Variants in INSC observed in about 807,000 individuals in gnomAD.
The protein encoded by INSC is INSC spindle orientation adaptor protein, also known as protein inscuteable homolog.
In INSC, 67 loss-of-function variants were observed where a neutral mutation model predicts 58.6. That is an observed-to-expected ratio of 1.14 (90% CI 0.94 to 1.40). INSC has a LOEUF of 1.40. INSC is among the 40% of genes most tolerant of loss of function. INSC has a pLI of 0.00. For synonymous variants in INSC, 262 were observed against 276.1 expected (o/e 0.95, Z 0.51); for missense variants, 714 against 692.0 (o/e 1.03, Z -0.36).
chr11:15,123,957 A>C (rs1184394925), intron 1 of INSC, among the ~76,000 whole-genome samples: 1 of 152,214 alleles, frequency 6.6e-6, no homozygotes, highest in East Asian at 1.9e-4. Context: ...GGTCTTACTA[A>C]GTCCAGTGAG....
At chr11:15,201,565 G>A (rs895936018) in intron 7 of INSC, among the ~76,000 whole-genome samples, 8 of 152,114 alleles carry the variant, frequency 5.3e-5, no homozygotes, top group African/African-American at 1.2e-4. Flanking sequence ...ACTAATTCCC[G>A]CCACCCTGAC....
intron 7 of INSC, among the ~76,000 whole-genome samples, chr11:15,210,995 T>G (rs1851004034): frequency 6.6e-6 from 1 of 151,758 alleles, no homozygotes; most frequent in African/African-American, 2.4e-5. Context: ...TGCCGGCAAG[T>G]GGTGGGTCCT....
At chr11:15,122,639 C>T (rs1419510490) in intron 1 of INSC, among the ~76,000 whole-genome samples, 1 of 152,182 alleles carries the variant, frequency 6.6e-6, no homozygotes, top group Non-Finnish European at 1.5e-5. Flanking sequence ...ACCTCTCTCC[C>T]TCAAAACCCA....
At chr11:15,209,217 G>T (rs1339948704) in intron 7 of INSC, among the ~76,000 whole-genome samples, 1 of 152,168 alleles carries the variant, frequency 6.6e-6, no homozygotes, top group East Asian at 1.9e-4. Context: ...TGGGTTTGGT[G>T]CCCAGCTCTA....
At chr11:15,158,564 G>A (rs1848897484) in intron 2 of INSC, among the ~76,000 whole-genome samples, 2 of 152,204 alleles carry the variant, frequency 1.3e-5, no homozygotes, top group East Asian at 1.9e-4. Flanking sequence ...TTCTGTGATC[G>A]TAGTCTATCC....
chr11:15,160,367 G>A (rs1167852145), intron 2 of INSC, among the ~76,000 whole-genome samples: 2 of 152,248 alleles, frequency 1.3e-5, no homozygotes. Flanking sequence ...AATAACTCAG[G>A]GCTGGGACAA....
rs1332134876 is a variant in INSC, at chr11:15,229,962, ATATATAT to A, written c.1170+4135_1170+4141del. Among the ~76,000 whole-genome samples, 240 of 28,096 alleles carry A rather than the reference ATATATAT, an allele frequency of 8.5e-3. 3 individuals are homozygous for A. The highest frequency in any genetic ancestry group is 0.038 in the Middle Eastern group (2 of 52). The allele number at this position is 28,096 out of a possible 152,430, so 18.4% of individuals were successfully genotyped here. On this transcript the variant is annotated intron_variant, in intron 9 of 12. Coordinates refer to ENST00000379556, the MANE Select transcript of INSC (RefSeq NM_001042536.3). ...TATATATAATATTATATATATATTT[ATATATAT>A]ATATATATATTATATATATATATAT... is the stretch of plus-strand genomic sequence containing the variant.
chr11:15,123,117 GC>G (rs1847913422), intron 1 of INSC, among the ~76,000 whole-genome samples: 1 of 152,108 alleles, frequency 6.6e-6, no homozygotes, highest in African/African-American at 2.4e-5. Context: ...TGCTTAGAAT[GC>G]TCGTTCTTCC....
chr11:15,262,503 G>A, the INSC span, among the ~76,000 whole-genome samples: 182 of 152,164 alleles, frequency 1.2e-3, no homozygotes, highest in Non-Finnish European at 9.3e-4. Flanking sequence ...CAGTATAAGG[G>A]TAAGTTAGAA....
intron 2 of INSC, among the ~76,000 whole-genome samples, chr11:15,165,429 A>G (rs1564879395): frequency 6.6e-6 from 1 of 152,316 alleles, no homozygotes; most frequent in East Asian, 1.9e-4. Context: ...CCCAGAAGTT[A>G]GTTATTATTA....
chr11:15,177,769 C>T (rs1849622961), intron 4 of INSC, among the ~76,000 whole-genome samples: 1 of 152,168 alleles, frequency 6.6e-6, no homozygotes, highest in Admixed American at 6.5e-5. Context: ...CCTGAGCTCC[C>T]TGAGGTCTTT....
intron 10 of INSC, among the ~76,000 whole-genome samples, chr11:15,237,485 C>T (rs2133972817): frequency 6.6e-6 from 1 of 152,286 alleles, no homozygotes; most frequent in African/African-American, 2.4e-5. Context: ...GCTAAGCCCC[C>T]CTGCTCTTTC....
At chr11:15,225,213 G>A (rs992654598) in intron 8 of INSC, among the ~76,000 whole-genome samples, 4 of 152,136 alleles carry the variant, frequency 2.6e-5, no homozygotes, top group African/African-American at 4.8e-5. Flanking sequence ...GCACCTCAGC[G>A]GAACACTAGT....
At chr11:15,244,267 A>G (rs1852475519) in intron 12 of INSC, among the ~76,000 whole-genome samples, 2 of 152,120 alleles carry the variant, frequency 1.3e-5, no homozygotes, top group African/African-American at 4.8e-5. Flanking sequence ...TTGTTAGTCT[A>G]TGGGGTAAAC....
chr11:15,132,478 G>A lies in INSC; in HGVS notation c.-45-16652G>A, dbSNP rs541200957. 2.4e-4 allele frequency among the ~76,000 whole-genome samples: 36 copies of A among 152,198 alleles called. No homozygotes were observed. The South Asian group carries it at 7.5e-3, about 32-fold the overall frequency. ...CTTTTTAAATTTTTGTAGAGATGGA[G>A]CCTGCACTATGTTGCCCAGGCTGAT... is the stretch of plus-strand genomic sequence containing the variant. On this transcript the variant is annotated intron_variant, in intron 1 of 12. Transcript: ENST00000379556.
chr11:15,176,099 GGGATA>G lies in INSC; in HGVS notation c.402+17_402+21del. ...GGAAATGGGCGAGGTCAGCTGCCCT[GGGATA>G]GGAGTGGGCGGGAACTGGAAGTCAG... On this transcript the variant is annotated intron_variant, in intron 3 of 12. Coordinates refer to ENST00000379556, the MANE Select transcript of INSC (RefSeq NM_001042536.3). 1 of 1,495,062 alleles carries G rather than the reference GGGATA, an allele frequency of 6.7e-7. No homozygotes were observed. 92.6% of individuals were successfully genotyped at this position (1,495,062 alleles called of 1,614,324 possible).
At chr11:15,116,502 C>G (rs531896117) in intron 1 of INSC, among the ~76,000 whole-genome samples, 39 of 152,288 alleles carry the variant, frequency 2.6e-4, no homozygotes, top group African/African-American at 8.7e-4. Context: ...CCTCCTCCCC[C>G]TGGTGACCAC....
chr11:15,242,549 G>T (rs749891823), intron 12 of INSC, among the ~76,000 whole-genome samples: 2 of 152,038 alleles, frequency 1.3e-5, no homozygotes, highest in Non-Finnish European at 2.9e-5. Flanking sequence ...TTCTCAGTCT[G>T]GCTCCAACCC....
chr11:15,120,898 A>T (rs1181213459), intron 1 of INSC, among the ~76,000 whole-genome samples: 2 of 152,046 alleles, frequency 1.3e-5, no homozygotes, highest in Non-Finnish European at 2.9e-5. Context: ...CTCTTTATTC[A>T]TGTTTCAACT....
Sources: gnomAD v4.1 joint callset for allele counts (sites outside exome capture counted in the v4.1 genomes callset) on GRCh38, gnomAD v4.1.1 for gene constraint, MANE v1.5 for transcripts, NCBI Gene and HGNC (gene_info 2026-07-23, HGNC 2026-07-21) for gene names.